HDX: variants seen among roughly 807,000 people sequenced by gnomAD.
HDX encodes chromosome X open reading frame 43.
Under a neutral mutation model 45.2 loss-of-function variants are expected in HDX, and 19 were observed. The ratio of observed to expected loss-of-function variants is 0.42; its 90% CI spans 0.29 to 0.62. HDX has a LOEUF of 0.62. Ranked by LOEUF, HDX falls within the 20% of genes least tolerant of loss-of-function variation. The pLI is 0.20. For synonymous variants in HDX, 188 were observed against 172.8 expected (o/e 1.09, Z -0.69); for missense variants, 532 against 493.9 (o/e 1.08, Z -0.73).
At chrX:84,443,191 AGGAACAGCT>A (rs892567530) in intron 4 of HDX, among the ~76,000 whole-genome samples, 18 of 111,919 alleles carry the variant, frequency 1.6e-4, no homozygotes, top group African/African-American at 5.8e-4. Context: ...GGTAGAACTC[AGGAACAGCT>A]GGTCAGAGTA....
At chrX:84,350,617 T>C (rs2037325506) in intron 6 of HDX, among the ~76,000 whole-genome samples, 1 of 111,763 alleles carries the variant, frequency 8.9e-6, no homozygotes, top group Non-Finnish European at 1.9e-5. Flanking sequence ...TGCTCTGAAG[T>C]TTACTTTATC....
At chrX:84,411,838 T>G (rs1354049135) in intron 5 of HDX, among the ~76,000 whole-genome samples, 2 of 111,894 alleles carry the variant, frequency 1.8e-5, no homozygotes, top group African/African-American at 6.5e-5. Flanking sequence ...TTTACAAATC[T>G]GCATCCTCCT....
chrX:84,457,680 A>G (rs371978548), intron 4 of HDX, among the ~76,000 whole-genome samples: 1 of 112,012 alleles, frequency 8.9e-6, no homozygotes, highest in East Asian at 2.8e-4. Flanking sequence ...AATGGGGCAT[A>G]CTAGCTGTAA....
At chrX:84,334,505 A>G (rs776182636) in intron 8 of HDX, among the ~76,000 whole-genome samples, 1 of 109,832 alleles carries the variant, frequency 9.1e-6, no homozygotes, top group South Asian at 3.9e-4. Flanking sequence ...AAAAAAAGGC[A>G]TAGCATAGCT....
intron 5 of HDX, among the ~76,000 whole-genome samples, chrX:84,403,041 A>G (rs976402749): frequency 2.7e-5 from 3 of 111,437 alleles, no homozygotes; most frequent in African/African-American, 6.5e-5. Flanking sequence ...TTACTCTAAA[A>G]TTTATGCTTG....
chrX:84,344,229 A>G (rs1478271936), intron 7 of HDX, 21 bp downstream of exon 7: 4 of 1,105,768 alleles, frequency 3.6e-6, no homozygotes, highest in Non-Finnish European at 5.0e-6. Flanking sequence ...CTATTATTAG[A>G]AGATTCAGCA....
intron 5 of HDX, among the ~76,000 whole-genome samples, chrX:84,383,745 T>A: frequency 9.0e-6 from 1 of 111,682 alleles, no homozygotes; most frequent in South Asian, 3.7e-4. Context: ...TGTTCCCATG[T>A]TTATGTCCAT....
intron 5 of HDX, among the ~76,000 whole-genome samples, chrX:84,387,142 T>C (rs755081315): frequency 4.5e-5 from 5 of 112,162 alleles, no homozygotes; most frequent in Admixed American, 3.8e-4. Context: ...TATATTTGTG[T>C]AGTTTCGAGA....
intron 2 of HDX, among the ~76,000 whole-genome samples, chrX:84,484,369 G>A (rs1257592426): frequency 8.9e-6 from 1 of 111,809 alleles, no homozygotes; most frequent in African/African-American, 3.3e-5. Context: ...GACAGAAGGG[G>A]AAGCAAACAT....
intron 2 of HDX, among the ~76,000 whole-genome samples, chrX:84,480,760 T>G: frequency 9.0e-6 from 1 of 110,980 alleles, no homozygotes. Context: ...TTTATTAAAT[T>G]TTTAAATATT....
chrX:84,440,346 T>G, intron 5 of HDX, 186 bp downstream of exon 5: 1 of 403,955 alleles, frequency 2.5e-6, no homozygotes, highest in Non-Finnish European at 4.3e-6. Flanking sequence ...GAGTACTACA[T>G]TATAATTAAG....
At position 84,342,313 on chromosome X, in the gene HDX, G is replaced by T. The variant is rs1466290175; in HGVS notation, c.1660+1937C>A. ...ATGTTGGGGAAGGAGATTTGGAAAA[G>T]GTATGCTTAAACAGTTCAAATTGTA... is the stretch of plus-strand genomic sequence containing the variant. On this transcript the variant is annotated intron_variant, in intron 7 of 10. Transcript: ENST00000373177. 3.6e-5 allele frequency among the ~76,000 whole-genome samples: 4 copies of T among 111,479 alleles called. No homozygotes were observed. In the East Asian group the frequency reaches 1.1e-3, roughly 32 times the overall value.
chrX:84,326,128 C>T, intron 10 of HDX, 50 bp downstream of exon 10: 1 of 1,153,355 alleles, frequency 8.7e-7, no homozygotes, highest in Non-Finnish European at 1.2e-6. Flanking sequence ...TGTGACATAC[C>T]ATTTTTTGAC....
chrX:84,467,569 T>C (rs935053756), intron 4 of HDX, among the ~76,000 whole-genome samples: 4 of 103,632 alleles, frequency 3.9e-5, no homozygotes, highest in Admixed American at 2.2e-4. Context: ...GAGGTTGCAG[T>C]GAGCCAAGAT....
chrX:84,440,534 C>A lies in HDX; in HGVS notation c.1303G>T (p.Ala435Ser). The A allele has an allele frequency of 8.6e-7, 1 of 1,168,360 alleles. No individual in the cohort carries two copies. Among genetic ancestry groups the A allele is most frequent in the Non-Finnish European group, 1.2e-6 (1 of 858,641 alleles). ...GCTTTAAATGAAAGATTACTTACTG[C>A]TCTTTTTCTAGAACACCCTGTAATC... ...PWITGCSRKR[A>S]LQDRTQFSDR... The change falls in exon 5 of 11, where the codon GCA becomes TCA. Residue 435 changes from alanine (A) to serine (S), a missense_variant and splice_region_variant. Around this residue, in one of 3 missense-constraint regions of HDX, gnomAD observed 376 missense variants for 343.7 expected, o/e 1.09. Transcript: ENST00000373177.
At position 84,319,130 on chromosome X, in the gene HDX, G is replaced by GT. The variant is rs1208057516; in HGVS notation, c.*2758dup. ...AAATGTAGTTGAAAGAAAAAAAGAA[G>GT]TTTTTTCTTGTTGTTGTTTTTTGTT... On this transcript the variant is annotated 3_prime_UTR_variant, in exon 11 of 11. Coordinates refer to ENST00000373177, the MANE Select transcript of HDX (RefSeq NM_001177479.2). 9.0e-6 allele frequency: 1 copy of GT among 110,684 alleles called. No homozygotes were observed. The highest frequency in any genetic ancestry group is 2.8e-4 in the East Asian group (1 of 3,539). The allele number at this position is 110,684 out of a possible 1,213,427, so 9.1% of individuals were successfully genotyped here.
chrX:84,364,491 C>CTTTTTTTTT (rs1169466223), intron 5 of HDX, among the ~76,000 whole-genome samples: 1 of 48,238 alleles, frequency 2.1e-5, no homozygotes, highest in Non-Finnish European at 3.4e-5. Context: ...AGTTATTCAC[C>CTTTTTTTTT]TTTTTTTTTT....
At chrX:84,363,108 G>A (rs1002683174) in intron 5 of HDX, among the ~76,000 whole-genome samples, 24 of 111,625 alleles carry the variant, frequency 2.2e-4, no homozygotes, top group African/African-American at 7.2e-4. Flanking sequence ...TCCCTGATGA[G>A]TAACAGTTAT....
chrX:84,447,495 T>G (rs2039898503), intron 4 of HDX, among the ~76,000 whole-genome samples: 1 of 111,174 alleles, frequency 9.0e-6, no homozygotes, highest in Non-Finnish European at 1.9e-5. Context: ...CAATGGAAAG[T>G]GCCTCAACTC....
Sources: allele counts gnomAD v4.1 joint callset (sites outside exome capture counted in the v4.1 genomes callset), GRCh38; gene constraint gnomAD v4.1.1; regional missense constraint gnomAD v4.1.1; transcripts MANE v1.5; gene names NCBI Gene and HGNC (gene_info 2026-07-23, HGNC 2026-07-21).